The following PTPRH variants were observed in gnomAD, a reference collection of about 807,000 sequenced individuals.
PTPRH encodes the protein protein tyrosine phosphatase receptor type H.
PTPRH carries 113 observed loss-of-function variants against 130.2 expected under a neutral mutation model. That is an observed-to-expected ratio of 0.87 (90% CI 0.75 to 1.01). PTPRH has a LOEUF of 1.01. PTPRH is among the 50% of genes least tolerant of loss of function. The pLI is 0.00. For missense variants in PTPRH, 1,430 were observed against 1,425.0 expected (o/e 1.00, Z -0.06); for synonymous variants, 556 against 577.9 (o/e 0.96, Z 0.54).
Position 55,206,920 on chromosome 19 carries a change from G to A in PTPRH, c.121C>T (p.Gln41Ter). 6.2e-7 allele frequency: 1 copy of A among 1,609,776 alleles called. No homozygotes were observed. The highest frequency in any genetic ancestry group is 8.5e-7 in the Non-Finnish European group (1 of 1,177,240). Residue 41 changes from glutamine to a stop codon, truncating the protein, a stop_gained, in exon 3 of 20, where the codon CAG (glutamine) becomes TAG (stop). Coordinates refer to ENST00000376350, the MANE Select transcript of PTPRH (RefSeq NM_002842.5). LOFTEE classifies it high-confidence loss of function. ...NPGRNLTVETQTTSSISLSWE... is the reference protein window; with the variant it reads ...NPGRNLTVET ...CTCAGGGAGATGGAGCTGGTGGTCT[G>A]AGTCTCCACTGTCAGGTTCCTCCCT... is the stretch of plus-strand genomic sequence containing the variant.
intron 12 of PTPRH, among the ~76,000 whole-genome samples, chr19:55,191,179 C>T (rs1486192695): frequency 6.6e-6 from 1 of 152,200 alleles, no homozygotes; most frequent in East Asian, 1.9e-4. Flanking sequence ...AGAATATAAG[C>T]CCCTGGCGGG....
intron 9 of PTPRH, 145 bp from the exon 10 acceptor site, chr19:55,196,933 C>T (rs973096394): frequency 3.8e-5 from 47 of 1,233,476 alleles, no homozygotes; most frequent in Non-Finnish European, 4.9e-5. Context: ...CTGTCCTCCC[C>T]GAATGGACAC....
At chr19:55,205,102 C>T (rs2087002126) in intron 4 of PTPRH, among the ~76,000 whole-genome samples, 1 of 152,128 alleles carries the variant, frequency 6.6e-6, no homozygotes, top group South Asian at 2.1e-4. Flanking sequence ...CAGGAAGGTA[C>T]ATTCTAGAGA....
chr19:55,199,885 GGAAA>G (rs919244324), intron 7 of PTPRH, among the ~76,000 whole-genome samples: 6 of 135,922 alleles, frequency 4.4e-5, no homozygotes, highest in African/African-American at 1.1e-4. Context: ...GGAAAGAGAA[GGAAA>G]GAAAGAGAGA....
At chr19:55,184,931 C>G (rs1362159171) in intron 18 of PTPRH, among the ~76,000 whole-genome samples, 1 of 152,140 alleles carries the variant, frequency 6.6e-6, no homozygotes, top group Non-Finnish European at 1.5e-5. Context: ...ACATCCCCAT[C>G]CTGTGGCTTC....
At chr19:55,185,838 C>T in intron 17 of PTPRH, 24 bp downstream of exon 17, 1 of 1,613,994 alleles carries the variant, frequency 6.2e-7, no homozygotes, top group Non-Finnish European at 8.5e-7. Context: ...GGCTGAGGGC[C>T]AGGACGGGGC....
rs1200052312 is a variant in PTPRH at position 55,209,294 on chromosome 19, T to A, written c.51+89A>T. 5 of 1,161,814 alleles carry A rather than the reference T, an allele frequency of 4.3e-6. No individual in the cohort carries two copies. Among genetic ancestry groups the A allele is most frequent in the Non-Finnish European group, 5.1e-6 (4 of 791,638 alleles). 72.0% of individuals were successfully genotyped at this position (1,161,814 alleles called of 1,614,324 possible). On this transcript the variant is annotated intron_variant, in intron 1 of 19. Coordinates refer to ENST00000376350, the MANE Select transcript of PTPRH (RefSeq NM_002842.5). This position sits in a 1 kb window ranked among gnomAD's most constrained non-coding sequence, Gnocchi z 4.1. ...CAGGGGATCTTCAGCACCTACTTCC[T>A]CAAGATCGAGGTGCAGGCACCCAGC...
chr19:55,186,527 C>T lies in PTPRH; in HGVS notation c.2580G>A (p.Arg860=), dbSNP rs1410708551. ...CCTCATGGATGGGCTTCAGGGGCAC[C>T]CGGGACCAGTCATCTAGGAGAAGAG... ...YRNVLPYDWS[R]VPLKPIHEEP... Residue 860 remains arginine, a synonymous_variant, in exon 15 of 20, where the codon CGG becomes CGA. Transcript: ENST00000376350. 6.2e-7 allele frequency: 1 copy of T among 1,614,162 alleles called. No homozygotes were observed. The highest frequency in any genetic ancestry group is 1.1e-5 in the South Asian group (1 of 91,082).
chr19:55,207,618 GTCTCGA>G (rs1200302882), intron 1 of PTPRH, among the ~76,000 whole-genome samples: 4 of 145,778 alleles, frequency 2.7e-5, no homozygotes, highest in Non-Finnish European at 6.0e-5. Context: ...GGGGCTGGGG[GTCTCGA>G]CCTCTGGTTT....
rs946746582 is a variant in PTPRH at position 55,205,525 on chromosome 19, C to T, written c.420G>A (p.Glu140=). 18 of 1,614,242 alleles carry T rather than the reference C, an allele frequency of 1.1e-5. No homozygotes were observed. Among genetic ancestry groups the T allele is most frequent in the Non-Finnish European group, 1.5e-5 (18 of 1,180,046 alleles). Residue 140 remains glutamate (E), a synonymous_variant, in exon 4 of 20, where the codon GAG becomes GAA. Transcript: ENST00000376350. ...TCTGTGGGTCTGGGCCGTCGGGGAC[C>T]TCCCAGGTCAGGGCGATGGAGCTGT... ...QTNSSIALTW[E]VPDGPDPQNS... is the part of the protein sequence containing the mutation.
At chr19:55,206,389 T>A (rs1175571386) in intron 3 of PTPRH, among the ~76,000 whole-genome samples, 2 of 151,380 alleles carry the variant, frequency 1.3e-5, no homozygotes, top group East Asian at 3.9e-4. Flanking sequence ...AGCGGTCCAA[T>A]CAGAGCTCAC....
At chr19:55,190,004 TAAATAAAATA>T (rs199772672) in intron 12 of PTPRH, among the ~76,000 whole-genome samples, 2,307 of 151,844 alleles carry the variant, frequency 0.015, 57 homozygotes, top group African/African-American at 0.053. Context: ...GACAAATTAA[TAAATAAAATA>T]AAATAAAATA....
At chr19:55,204,132 T>G (rs1172503103) in intron 4 of PTPRH, 84 bp from the exon 5 acceptor site, 23 of 1,412,968 alleles carry the variant, frequency 1.6e-5, no homozygotes, top group Non-Finnish European at 2.1e-5. Context: ...GTTTGTTTGT[T>G]TTTTCGAGAC....
chr19:55,194,130 G>A lies in PTPRH; in HGVS notation c.2258-2389C>T, dbSNP rs762557155. ...CTCCCAAAGTGCTGGGATTACAGGC[G>A]TGAGCCACCGCGCCTGGCTGATCTG... is the stretch of plus-strand genomic sequence containing the variant. On this transcript the variant is annotated intron_variant, in intron 10 of 19. Coordinates refer to ENST00000376350, the MANE Select transcript of PTPRH (RefSeq NM_002842.5). 3.6e-5 allele frequency: 46 copies of A among 1,285,930 alleles called. 1 individual carries two copies. The highest frequency in any genetic ancestry group is 3.0e-4 in the Middle Eastern group (1 of 3,332). 79.7% of individuals were successfully genotyped at this position (1,285,930 alleles called of 1,614,324 possible). A position where few individuals can be genotyped will look rare whatever the true frequency, so the allele number is the denominator to read the frequency against.
At chr19:55,194,517 CT>C (rs2086630632) in intron 10 of PTPRH, among the ~76,000 whole-genome samples, 1 of 152,150 alleles carries the variant, frequency 6.6e-6, no homozygotes, top group African/African-American at 2.4e-5. Context: ...CTCAGTCTCT[CT>C]CCAGATTGGA....
In PTPRH at chr19:55,206,671, G is replaced by A. The variant is rs781258249; in HGVS notation, c.352+18C>T. 9.6e-6 allele frequency: 15 copies of A among 1,562,922 alleles called. No homozygotes were observed. In the South Asian group the frequency reaches 1.1e-4, roughly 11 times the overall value. The stretch of plus-strand genomic sequence containing the variant: ...TCCTTATAAAAGAAATAAAAATAAA[G>A]CAGTGGCTGCCTCTTACCTGTGGCA... On this transcript the variant is annotated intron_variant, in intron 3 of 19. Coordinates refer to ENST00000376350, the MANE Select transcript of PTPRH (RefSeq NM_002842.5).
intron 8 of PTPRH, 109 bp from the exon 9 acceptor site, chr19:55,197,525 C>A: frequency 9.2e-7 from 1 of 1,082,530 alleles, no homozygotes; most frequent in Non-Finnish European, 1.3e-6. Context: ...TTGATGGCTC[C>A]AGTGGCTAAG....
At chr19:55,201,357 A>G (rs1378916167) in intron 6 of PTPRH, among the ~76,000 whole-genome samples, 1 of 152,206 alleles carries the variant, frequency 6.6e-6, no homozygotes, top group African/African-American at 2.4e-5. Flanking sequence ...AGCCTGGATG[A>G]CAAAGCGAGA....
chr19:55,207,864 A>G (rs1454493731), intron 1 of PTPRH, among the ~76,000 whole-genome samples: 1 of 2,440 alleles, frequency 4.1e-4, no homozygotes, highest in Non-Finnish European at 6.6e-4. Flanking sequence ...GAGGGAGGAG[A>G]GGTTGGGGGC....
Sources: gnomAD v4.1 joint callset for allele counts (sites outside exome capture counted in the v4.1 genomes callset) on GRCh38, gnomAD v4.1.1 for gene constraint, Gnocchi (gnomAD v3.1) non-coding constraint, MANE v1.5 for transcripts, NCBI Gene and HGNC (gene_info 2026-07-23, HGNC 2026-07-21) for gene names.